Variants in FCGR2B observed in about 807,000 individuals in gnomAD.
FCGR2B encodes low affinity immunoglobulin gamma Fc region receptor II-b.
In FCGR2B, 18 loss-of-function variants were observed where a neutral mutation model predicts 24.8. The ratio of observed to expected loss-of-function variants is 0.73; its 90% CI spans 0.50 to 1.08. The LOEUF (loss-of-function observed/expected upper bound fraction) is 1.08, where lower values mean the gene tolerates loss of function less well. Ranked by LOEUF, FCGR2B falls within the 50% of genes least tolerant of loss-of-function variation. The pLI is 0.00. For missense variants in FCGR2B, 215 were observed against 297.6 expected, an observed-to-expected ratio of 0.72 and a Z score of 2.04; for synonymous variants, 79 against 109.8, an observed-to-expected ratio of 0.72 and a Z score of 1.75.
chr1:161,647,820 C>T, the FCGR2B span, among the ~76,000 whole-genome samples: 1 of 151,030 alleles, frequency 6.6e-6, no homozygotes, highest in African/African-American at 2.4e-5. Context: ...CCATTTACAA[C>T]ATTCTCCTCA....
chr1:161,674,886 CA>C (rs1284276286), intron 5 of FCGR2B: 4 of 170,640 alleles, frequency 2.3e-5, no homozygotes, highest in Non-Finnish European at 4.9e-5. Flanking sequence ...TAACACCTCA[CA>C]AAGCACTTTT....
At chr1:161,654,158 A>AT in the FCGR2B span, among the ~76,000 whole-genome samples, 26,031 of 132,858 alleles carry the variant, frequency 0.2, 1,910 homozygotes, top group African/African-American at 0.22. Flanking sequence ...GTTCTTATTG[A>AT]TTTTTTCAGG....
At chr1:161,649,067 A>G in the FCGR2B span, among the ~76,000 whole-genome samples, 1 of 150,988 alleles carries the variant, frequency 6.6e-6, no homozygotes, top group Non-Finnish European at 1.5e-5. Flanking sequence ...TGCATTCTAC[A>G]GAAAACCTTT....
At chr1:161,654,764 C>G in the FCGR2B span, among the ~76,000 whole-genome samples, 1 of 137,158 alleles carries the variant, frequency 7.3e-6, no homozygotes, top group Non-Finnish European at 1.7e-5. Flanking sequence ...TATCCTAGCC[C>G]TCTTTAGAAA....
rs1166979422 is a variant in FCGR2B, at chr1:161,678,307, A to T, written c.*754A>T. 4.6e-6 allele frequency: 1 copy of T among 217,642 alleles called. No individual in the cohort carries two copies. Among genetic ancestry groups the T allele is most frequent in the African/African-American group, 2.2e-5 (1 of 44,460 alleles). 13.5% of individuals were successfully genotyped at this position (217,642 alleles called of 1,614,324 possible). ...GATGGTGATCCCATAAAATTATAAT[A>T]CCATATTTCTATTGTACCTTTTCTA... On this transcript the variant is annotated 3_prime_UTR_variant, in exon 8 of 8. Coordinates refer to ENST00000358671, the MANE Select transcript of FCGR2B (RefSeq NM_001394477.1).
intron 4 of FCGR2B, 23 bp from the exon 5 acceptor site, chr1:161,673,937 G>A (rs1163841391): frequency 6.6e-6 from 3 of 453,894 alleles, no homozygotes; most frequent in South Asian, 4.3e-5. Context: ...AGTACTGCCT[G>A]TCCTGATGTC....
the FCGR2B span, among the ~76,000 whole-genome samples, chr1:161,654,858 G>A: frequency 7.2e-6 from 1 of 138,054 alleles, no homozygotes; most frequent in African/African-American, 2.5e-5. Flanking sequence ...TTATCACTTT[G>A]TGTATTATCT....
intron 1 of FCGR2B, among the ~76,000 whole-genome samples, chr1:161,669,580 A>AAAATAAAATAAAATAAAAT: frequency 1.4e-5 from 1 of 73,366 alleles, no homozygotes; most frequent in African/African-American, 4.6e-5. Context: ...CCCACAAAAT[A>AAAATAAAATAAAATAAAAT]AAATAAAATA....
chr1:161,653,945 G>A, the FCGR2B span, among the ~76,000 whole-genome samples: 2 of 127,576 alleles, frequency 1.6e-5, no homozygotes, highest in African/African-American at 5.2e-5. Context: ...ACTTGGCTGC[G>A]TGAAGACAGC....
rs1312461925 is a variant in FCGR2B, at chr1:161,677,151, C to G, written c.818-177C>G. 7.5e-6 allele frequency: 5 copies of G among 670,866 alleles called. No individual in the cohort carries two copies. In the African/African-American group the frequency reaches 9.2e-5, roughly 12 times the overall value. The allele number at this position is 670,866 out of a possible 1,614,324, so 41.6% of individuals were successfully genotyped here. On this transcript the variant is annotated intron_variant, in intron 6 of 7. Coordinates refer to ENST00000358671, the MANE Select transcript of FCGR2B (RefSeq NM_001394477.1). ...TGCGGAAGGCTGTGGCTGGGCTACC[C>G]TATGCATCGATCAATGAGGTCATAT...
At chr1:161,661,275 A>C (rs1456196273), upstream of FCGR2B, among the ~76,000 whole-genome samples, 1 of 138,456 alleles carries the variant, frequency 7.2e-6, no homozygotes, top group African/African-American at 2.8e-5. Context: ...AGGAAGCAAG[A>C]AAGGAAGAAA....
upstream of FCGR2B, among the ~76,000 whole-genome samples, chr1:161,661,258 G>GAAAT (rs1192245298): frequency 6.4e-5 from 2 of 31,264 alleles, no homozygotes; most frequent in Non-Finnish European, 1.5e-4. Flanking sequence ...AAGAAAGAAA[G>GAAAT]AAAGGAAGGA....
Position 161,677,500 on chromosome 1 carries a change from C to G in FCGR2B, c.880C>G (p.Leu294Val). ...VGAENTITYS[L>V]LMHPDALEEP... ...GGCTGAGAACACAATCACCTATTCA[C>G]TTCTCATGCACCCGGATGCTCTGGA... The change falls in exon 8 of 8, where the codon CTT becomes GTT. Residue 294 changes from leucine to valine, a missense_variant. Physicochemically the swap from Leu to Val is conservative, Grantham distance 32 (BLOSUM62 1). Around this residue, in one of 5 missense-constraint regions of FCGR2B, gnomAD observed 81 missense variants for 81.6 expected, o/e 0.99. Transcript: ENST00000358671. 6.2e-7 allele frequency: 1 copy of G among 1,614,108 alleles called. No individual in the cohort carries two copies. Among genetic ancestry groups the G allele is most frequent in the Non-Finnish European group, 8.5e-7 (1 of 1,179,938 alleles).
chr1:161,677,001 C>T, intron 6 of FCGR2B: 1 of 420,452 alleles, frequency 2.4e-6, no homozygotes, highest in Non-Finnish European at 4.2e-6. Context: ...CTGAACACCC[C>T]CCTCCCCCAC....
chr1:161,678,362 C>T lies in FCGR2B; in HGVS notation c.*809C>T, dbSNP rs1043738377. 1 of 216,036 alleles carries T rather than the reference C, an allele frequency of 4.6e-6. No homozygotes were observed. Among genetic ancestry groups the T allele is most frequent in the South Asian group, 1.9e-4 (1 of 5,374 alleles). 13.4% of individuals were successfully genotyped at this position (216,036 alleles called of 1,614,324 possible). On this transcript the variant is annotated 3_prime_UTR_variant, in exon 8 of 8. Coordinates refer to ENST00000358671, the MANE Select transcript of FCGR2B (RefSeq NM_001394477.1). ...TATGTTTAGATATATGAGTACTTACCATTGTGTTACAATTGCCTAAAGTAT... is the reference window on the plus strand; with the variant it reads ...TATGTTTAGATATATGAGTACTTACTATTGTGTTACAATTGCCTAAAGTAT...
chr1:161,661,254 G>C (rs1331899878), upstream of FCGR2B, among the ~76,000 whole-genome samples: 1 of 37,352 alleles, frequency 2.7e-5, no homozygotes, highest in East Asian at 4.3e-4. Context: ...AAGAAAGAAA[G>C]AAAGAAAGGA....
Position 161,673,519 on chromosome 1 carries a change from C to T in FCGR2B, c.646+290C>T, listed in dbSNP as rs760634753. On this transcript the variant is annotated intron_variant, in intron 4 of 7. Coordinates refer to ENST00000358671, the MANE Select transcript of FCGR2B (RefSeq NM_001394477.1). ...GCTCCCTCGTTGGTGCAGAGGTTCC[C>T]TAAGCTCCTGGGCATTCCTAAGAAC... is the stretch of plus-strand genomic sequence containing the variant. 5.2e-5 allele frequency: 38 copies of T among 728,314 alleles called. 1 individual carries two copies. In the African/African-American group the frequency reaches 6.0e-4, roughly 11 times the overall value. 45.1% of individuals were successfully genotyped at this position (728,314 alleles called of 1,614,324 possible).
chr1:161,653,189 A>C, the FCGR2B span, among the ~76,000 whole-genome samples: 8 of 133,518 alleles, frequency 6.0e-5, no homozygotes, highest in East Asian at 8.0e-4. Context: ...GGATCACCTG[A>C]GGTCAGAAGT....
Position 161,678,499 on chromosome 1 carries a change from G to T in FCGR2B, c.*946G>T. 1 of 217,346 alleles carries T rather than the reference G, an allele frequency of 4.6e-6. No homozygotes were observed. The highest frequency in any genetic ancestry group is 9.3e-6 in the Non-Finnish European group (1 of 108,012). 13.5% of individuals were successfully genotyped at this position (217,346 alleles called of 1,614,324 possible). A position where few individuals can be genotyped will look rare whatever the true frequency, so the allele number is the denominator to read the frequency against. ...TTAGGTTTGTATAAGTACCTGCTAT[G>T]ATGTTCACACAACAAAATTGCCTGC... is the stretch of plus-strand genomic sequence containing the variant. On this transcript the variant is annotated 3_prime_UTR_variant, in exon 8 of 8. Coordinates refer to ENST00000358671, the MANE Select transcript of FCGR2B (RefSeq NM_001394477.1).
Sources: allele counts gnomAD v4.1 joint callset (sites outside exome capture counted in the v4.1 genomes callset), GRCh38; gene constraint gnomAD v4.1.1; regional missense constraint gnomAD v4.1.1; transcripts MANE v1.5; gene names NCBI Gene and HGNC (gene_info 2026-07-23, HGNC 2026-07-21).